The following MEGF11 variants were observed in gnomAD, a reference collection of about 807,000 sequenced individuals.
MEGF11 encodes multiple EGF like domains 11.
Under a neutral mutation model 146.6 loss-of-function variants are expected in MEGF11, and 126 were observed. That is an observed-to-expected ratio of 0.86 (90% CI 0.74 to 1.00). MEGF11 has a LOEUF of 1.00. Among genes scored for constraint, MEGF11 ranks in the 50% least tolerant of loss-of-function variants. The pLI, the probability that MEGF11 is intolerant of heterozygous loss-of-function variation, is 0.00. For synonymous variants in MEGF11, 532 were observed against 583.4 expected, an observed-to-expected ratio of 0.91 and a Z score of 1.27; for missense variants, 1,509 against 1,521.2, an observed-to-expected ratio of 0.99 and a Z score of 0.13.
intron 1 of MEGF11, among the ~76,000 whole-genome samples, chr15:66,150,864 G>GAT (rs2089548111): frequency 7.1e-6 from 1 of 141,432 alleles, no homozygotes; most frequent in African/African-American, 2.7e-5. Context: ...GAGAGAGAGA[G>GAT]AGAGAGGAAA....
chr15:66,154,394 C>G (rs1347060155), intron 1 of MEGF11, among the ~76,000 whole-genome samples: 1 of 152,154 alleles, frequency 6.6e-6, no homozygotes, highest in African/African-American at 2.4e-5. Context: ...CCCGCAAGAG[C>G]CAAGGGGCTG....
chr15:66,093,008 G>A (rs1426558184), intron 5 of MEGF11, among the ~76,000 whole-genome samples: 1 of 152,172 alleles, frequency 6.6e-6, no homozygotes, highest in Non-Finnish European at 1.5e-5. Flanking sequence ...AAGACTGGTT[G>A]GACATCTTCC....
chr15:66,226,974 C>T (rs546183348), intron 1 of MEGF11, among the ~76,000 whole-genome samples: 114 of 152,178 alleles, frequency 7.5e-4, no homozygotes, highest in Non-Finnish European at 1.5e-3. Flanking sequence ...TTGCCAGGCT[C>T]TTTTCCTCCT....
At chr15:65,977,681 T>C (rs1357893412) in intron 7 of MEGF11, among the ~76,000 whole-genome samples, 8 of 152,012 alleles carry the variant, frequency 5.3e-5, no homozygotes, top group Non-Finnish European at 1.5e-5. Flanking sequence ...GGTTTCACCA[T>C]GCAAAACCTC....
chr15:66,231,639 C>T (rs2091969942), intron 1 of MEGF11, among the ~76,000 whole-genome samples: 1 of 152,208 alleles, frequency 6.6e-6, no homozygotes. Context: ...CCCTTGCTTG[C>T]TAATCCTCAT....
At chr15:65,989,278 CT>C (rs2081961596) in intron 5 of MEGF11, among the ~76,000 whole-genome samples, 2 of 152,146 alleles carry the variant, frequency 1.3e-5, no homozygotes, top group African/African-American at 4.8e-5. Flanking sequence ...GAGTTGGCCT[CT>C]GAATTGAAGG....
At chr15:66,101,122 A>G (rs377233105) in intron 4 of MEGF11, among the ~76,000 whole-genome samples, 83 of 152,148 alleles carry the variant, frequency 5.5e-4, no homozygotes, top group African/African-American at 6.5e-4. Context: ...GCCAGTTCAG[A>G]GTGCAGGATG....
intron 5 of MEGF11, among the ~76,000 whole-genome samples, chr15:66,046,936 C>T (rs1414435240): frequency 2.0e-5 from 3 of 152,162 alleles, no homozygotes; most frequent in Admixed American, 2.0e-4. Flanking sequence ...CAGGGAGGTC[C>T]CCAGGTTCCC....
chr15:66,048,822 C>T (rs894699066), intron 5 of MEGF11, among the ~76,000 whole-genome samples: 3 of 152,194 alleles, frequency 2.0e-5, no homozygotes, highest in Non-Finnish European at 1.5e-5. Context: ...CTAACGCTAT[C>T]CCCTTGTAGA....
chr15:66,095,397 A>T (rs1178431087), intron 4 of MEGF11, among the ~76,000 whole-genome samples: 1 of 152,218 alleles, frequency 6.6e-6, no homozygotes, highest in Non-Finnish European at 1.5e-5. Context: ...ATCAGCAGTT[A>T]CCATCAACCC....
At chr15:66,060,916 G>A (rs548469900) in intron 5 of MEGF11, among the ~76,000 whole-genome samples, 1 of 152,348 alleles carries the variant, frequency 6.6e-6, no homozygotes, top group African/African-American at 2.4e-5. Flanking sequence ...GCTTGAAGCA[G>A]TCTGGGCAAA....
intron 5 of MEGF11, among the ~76,000 whole-genome samples, chr15:66,025,942 GGGCA>G (rs1193991217): frequency 2.0e-5 from 3 of 152,216 alleles, no homozygotes; most frequent in Non-Finnish European, 4.4e-5. Context: ...GAAAAGGGCA[GGGCA>G]GTCAGGAGAG....
intron 5 of MEGF11, among the ~76,000 whole-genome samples, chr15:66,080,645 C>T (rs1160836479): frequency 6.6e-6 from 1 of 152,256 alleles, no homozygotes. Flanking sequence ...ATGGAGAATA[C>T]TGAGTCGATG....
At chr15:66,182,606 G>A (rs150957389) in intron 1 of MEGF11, among the ~76,000 whole-genome samples, 106 of 152,314 alleles carry the variant, frequency 7.0e-4, no homozygotes, top group African/African-American at 2.5e-3. Context: ...AAGCACTTCA[G>A]GAGCTCAAGG....
At chr15:66,142,824 C>A (rs749212158) in intron 1 of MEGF11, among the ~76,000 whole-genome samples, 1 of 152,222 alleles carries the variant, frequency 6.6e-6, no homozygotes, top group Non-Finnish European at 1.5e-5. Context: ...ACTTCTCAAG[C>A]AGGTGGTCTC....
intron 1 of MEGF11, among the ~76,000 whole-genome samples, chr15:66,195,821 C>A (rs2090993804): frequency 6.6e-6 from 1 of 152,192 alleles, no homozygotes; most frequent in Non-Finnish European, 1.5e-5. Flanking sequence ...GTGGAATGAG[C>A]CGCGGTGGGG....
chr15:66,010,477 C>A (rs1271571597), intron 5 of MEGF11, among the ~76,000 whole-genome samples: 1 of 152,112 alleles, frequency 6.6e-6, no homozygotes, highest in Non-Finnish European at 1.5e-5. Flanking sequence ...ACAGGCATGA[C>A]TCACCGCACC....
At position 66,204,905 on chromosome 15, in the gene MEGF11, T is replaced by C. The variant is rs1307990363; in HGVS notation, c.-9+48700A>G. 2.0e-5 allele frequency among the ~76,000 whole-genome samples: 3 copies of C among 150,422 alleles called. 1 individual carries two copies. The highest frequency in any genetic ancestry group is 4.2e-4 in the South Asian group (2 of 4,760). ...ACAAACATAAGAAGACTGTGAAAGGTAGAGGGAAGAGGCCAAAGCAACTAG... is the reference window on the plus strand; with the variant it reads ...ACAAACATAAGAAGACTGTGAAAGGCAGAGGGAAGAGGCCAAAGCAACTAG... On this transcript the variant is annotated intron_variant, in intron 1 of 25. Transcript: ENST00000395614.
chr15:66,100,028 C>CA (rs1308693187), intron 4 of MEGF11, among the ~76,000 whole-genome samples: 1 of 152,190 alleles, frequency 6.6e-6, no homozygotes, highest in Non-Finnish European at 1.5e-5. Context: ...AAGGAGGCCC[C>CA]AGTCCCACCT....
Sources: allele counts gnomAD v4.1 joint callset (sites outside exome capture counted in the v4.1 genomes callset), GRCh38; gene constraint gnomAD v4.1.1; transcripts MANE v1.5; gene names NCBI Gene and HGNC (gene_info 2026-07-23, HGNC 2026-07-21).